LINGO2: variants seen among roughly 807,000 people sequenced by gnomAD.
LINGO2 encodes leucine rich repeat and Ig domain containing 2.
Under a neutral mutation model 30.6 loss-of-function variants are expected in LINGO2, and 14 were observed. The observed-to-expected ratio is 0.46, with a 90% CI of 0.30 to 0.72. The LOEUF is 0.72. Ranked by LOEUF, LINGO2 falls within the 30% of genes least tolerant of loss-of-function variation. The probability of loss-of-function intolerance (pLI) is 0.07; values close to 1 mark genes in which losing one functional copy is unlikely to be tolerated. For synonymous variants in LINGO2, 317 were observed against 288.5 expected (o/e 1.10, Z -1.00); for missense variants, 729 against 751.7 (o/e 0.97, Z 0.35).
At chr9:28,480,232 G>A (rs902453330) in intron 1 of LINGO2, among the ~76,000 whole-genome samples, 1 of 151,640 alleles carries the variant, frequency 6.6e-6, no homozygotes, top group Non-Finnish European at 1.5e-5. Flanking sequence ...TTTAATAAGA[G>A]CTGGTCAGTT....
At chr9:27,985,922 G>A (rs1224560230) in intron 5 of LINGO2, among the ~76,000 whole-genome samples, 6 of 151,826 alleles carry the variant, frequency 4.0e-5, no homozygotes, top group Admixed American at 2.6e-4. Context: ...GACTGGAACT[G>A]AGGATTTTCA....
At chr9:28,826,563 G>GT in the LINGO2 span, among the ~76,000 whole-genome samples, 1 of 152,032 alleles carries the variant, frequency 6.6e-6, no homozygotes, top group Non-Finnish European at 1.5e-5. Flanking sequence ...ACACAAAATT[G>GT]TTTAGGATTA....
chr9:29,134,577 G>A, the LINGO2 span, among the ~76,000 whole-genome samples: 46 of 152,066 alleles, frequency 3.0e-4, no homozygotes, highest in African/African-American at 9.9e-4. Context: ...AAGACCAATC[G>A]ATGAACTGAC....
chr9:28,786,600 A>G, the LINGO2 span, among the ~76,000 whole-genome samples: 1 of 152,152 alleles, frequency 6.6e-6, no homozygotes, highest in African/African-American at 2.4e-5. Context: ...TGAGGTAGAG[A>G]TAGTGCAGAC....
At chr9:28,196,285 T>C (rs549604510) in intron 4 of LINGO2, among the ~76,000 whole-genome samples, 1 of 151,756 alleles carries the variant, frequency 6.6e-6, no homozygotes, top group Admixed American at 6.6e-5. Context: ...AAAATTAAAA[T>C]TTTAAAAATC....
the LINGO2 span, among the ~76,000 whole-genome samples, chr9:29,089,562 T>A: frequency 1.6e-3 from 236 of 152,244 alleles, no homozygotes; most frequent in African/African-American, 5.5e-3. Context: ...AAAGTTTATA[T>A]ACTCTCATTC....
chr9:28,768,673 C>G, the LINGO2 span, among the ~76,000 whole-genome samples: 6 of 151,822 alleles, frequency 4.0e-5, no homozygotes, highest in African/African-American at 1.5e-4. Flanking sequence ...CTCTCTCTCT[C>G]TCTGCATATA....
intron 4 of LINGO2, among the ~76,000 whole-genome samples, chr9:28,292,448 A>G (rs912002676): frequency 6.6e-6 from 1 of 152,012 alleles, no homozygotes; most frequent in African/African-American, 2.4e-5. Context: ...TGTAATATCA[A>G]TTATTTTATC....
the LINGO2 span, among the ~76,000 whole-genome samples, chr9:28,829,110 G>C: frequency 1.3e-5 from 2 of 152,130 alleles, no homozygotes; most frequent in African/African-American, 2.4e-5. Context: ...GCTGTTGAAC[G>C]TTGGGAGGAA....
chr9:29,170,534 C>G, the LINGO2 span, among the ~76,000 whole-genome samples: 1 of 152,028 alleles, frequency 6.6e-6, no homozygotes, highest in South Asian at 2.1e-4. Flanking sequence ...CCAGACTTCA[C>G]CACTATGCTA....
In LINGO2 at chr9:28,329,196, G is replaced by A. The variant is rs141382552; in HGVS notation, c.-245-33830C>T. Among the ~76,000 whole-genome samples the A allele has an allele frequency of 6.4e-4, 97 of 152,240 alleles. No individual in the cohort carries two copies. The highest frequency in any genetic ancestry group is 2.3e-3 in the African/African-American group (95 of 41,528). On this transcript the variant is annotated intron_variant, in intron 3 of 5. Coordinates refer to ENST00000379992, the Ensembl canonical transcript of LINGO2. The surrounding 1 kb of genome is among the most constrained non-coding windows in gnomAD (Gnocchi z 4.5). ...CAAGCCTCCAGTTTCCAAAGGAGCC[G>A]AGATTTCCTAATAGTCTAATTGTGC...
intron 1 of LINGO2, among the ~76,000 whole-genome samples, chr9:28,517,980 A>G (rs1234492747): frequency 6.6e-6 from 1 of 152,192 alleles, no homozygotes; most frequent in East Asian, 1.9e-4. Context: ...TGAGAAACGC[A>G]AAGCCAATTG....
chr9:28,300,518 T>G (rs1824101702), intron 3 of LINGO2, among the ~76,000 whole-genome samples: 1 of 152,168 alleles, frequency 6.6e-6, no homozygotes. Context: ...TTTCATTTTC[T>G]CAAAATGAGG....
At chr9:28,234,735 C>T (rs1209417051) in intron 4 of LINGO2, among the ~76,000 whole-genome samples, 1 of 149,212 alleles carries the variant, frequency 6.7e-6, no homozygotes, top group Admixed American at 6.6e-5. Context: ...TGGCCACAGA[C>T]TGTCAGCTTC....
chr9:28,516,929 C>G (rs577820319), intron 1 of LINGO2, among the ~76,000 whole-genome samples: 1 of 152,144 alleles, frequency 6.6e-6, no homozygotes, highest in Non-Finnish European at 1.5e-5. Flanking sequence ...GTGACAATGT[C>G]TATTTAGAGC....
intron 4 of LINGO2, among the ~76,000 whole-genome samples, chr9:28,294,609 T>A (rs533619162): frequency 6.6e-6 from 1 of 152,066 alleles, no homozygotes; most frequent in Non-Finnish European, 1.5e-5. Flanking sequence ...CAGCATGTAA[T>A]AGAAAAAGGA....
chr9:28,251,179 T>C (rs1314621839), intron 4 of LINGO2, among the ~76,000 whole-genome samples: 1 of 152,202 alleles, frequency 6.6e-6, no homozygotes, highest in Non-Finnish European at 1.5e-5. Flanking sequence ...CTATGATGAA[T>C]ATAAATCTTT....
intron 4 of LINGO2, among the ~76,000 whole-genome samples, chr9:28,031,122 G>A (rs1823648466): frequency 6.6e-6 from 1 of 152,014 alleles, no homozygotes; most frequent in African/African-American, 2.4e-5. Flanking sequence ...TCATATCCAA[G>A]CTTCTCCTTG....
At chr9:29,065,648 C>T in the LINGO2 span, among the ~76,000 whole-genome samples, 1 of 151,940 alleles carries the variant, frequency 6.6e-6, no homozygotes, top group South Asian at 2.1e-4. Context: ...TGTACTGAAA[C>T]TGAAGTCTGC....
Sources: allele counts gnomAD v4.1 joint callset (sites outside exome capture counted in the v4.1 genomes callset), GRCh38; gene constraint gnomAD v4.1.1; non-coding constraint Gnocchi (gnomAD v3.1); transcripts MANE v1.5; gene names NCBI Gene and HGNC (gene_info 2026-07-23, HGNC 2026-07-21).